The following EPHB2 variants were observed in gnomAD, a reference collection of about 807,000 sequenced individuals.
The protein encoded by EPHB2 is EPH receptor B2.
EPHB2 carries 18 observed loss-of-function variants against 96.4 expected under a neutral mutation model. That is an observed-to-expected ratio of 0.19 (90% CI 0.13 to 0.28). EPHB2 has a LOEUF of 0.28. EPHB2 is among the 10% of genes least tolerant of loss of function. The probability of loss-of-function intolerance (pLI) is 1.00; values close to 1 mark genes in which losing one functional copy is unlikely to be tolerated. For missense variants in EPHB2, 989 were observed against 1,355.4 expected, an observed-to-expected ratio of 0.73 and a Z score of 4.25; for synonymous variants, 506 against 534.1, an observed-to-expected ratio of 0.95 and a Z score of 0.72.
chr1:22,825,047 G>A (rs1190986628), intron 3 of EPHB2, among the ~76,000 whole-genome samples: 1 of 152,228 alleles, frequency 6.6e-6, no homozygotes, highest in African/African-American at 2.4e-5. Flanking sequence ...ACATTCATAG[G>A]TCAGGAGCAT....
chr1:22,819,205 G>GTCCCTCTCTCTC (rs1553167361), intron 3 of EPHB2, among the ~76,000 whole-genome samples: 1 of 103,394 alleles, frequency 9.7e-6, no homozygotes, highest in Non-Finnish European at 1.9e-5. Flanking sequence ...CCCAGCAGAT[G>GTCCCTCTCTCTC]TCTCTCTCTC....
rs748321933 is a variant in EPHB2, at chr1:22,864,949, C to A, written c.1040C>A (p.Pro347His). ...TCCCTCATGCTGGAGTGGACCCCTC[C>A]CCGCGACTCCGGAGGCCGAGAGGAC... ...ETSLMLEWTP[P>H]RDSGGREDLV... Residue 347 changes from proline to histidine, a missense_variant, in exon 5 of 16, where the codon CCC becomes CAC. Physicochemically the swap from Pro to His is moderately conservative, Grantham distance 77. Coordinates refer to ENST00000374630, the MANE Select transcript of EPHB2 (RefSeq NM_017449.5). 6.2e-7 allele frequency: 1 copy of A among 1,603,290 alleles called. No homozygotes were observed. The highest frequency in any genetic ancestry group is 1.3e-5 in the African/African-American group (1 of 74,924).
At chr1:22,720,989 G>A (rs900925267) in intron 1 of EPHB2, among the ~76,000 whole-genome samples, 5 of 152,078 alleles carry the variant, frequency 3.3e-5, no homozygotes, top group African/African-American at 1.2e-4. Flanking sequence ...CCTTATCAGC[G>A]AACTGGGCAT....
intron 1 of EPHB2, among the ~76,000 whole-genome samples, chr1:22,761,532 G>A (rs763969972): frequency 6.6e-6 from 1 of 152,188 alleles, no homozygotes; most frequent in Non-Finnish European, 1.5e-5. Flanking sequence ...CAGCCACCCC[G>A]CTCTTGGGCA....
At chr1:22,789,567 A>C (rs1474251437) in intron 3 of EPHB2, among the ~76,000 whole-genome samples, 1 of 152,190 alleles carries the variant, frequency 6.6e-6, no homozygotes, top group East Asian at 1.9e-4. Context: ...GCATGTTTTG[A>C]GTAACCTCTG....
intron 12 of EPHB2, 24 bp downstream of exon 12, chr1:22,908,192 G>A (rs372324234): frequency 5.3e-5 from 85 of 1,613,350 alleles, no homozygotes; most frequent in Admixed American, 8.3e-5. Flanking sequence ...AGGGAACACC[G>A]GAGTCACAGA....
At chr1:22,770,575 T>C (rs993189423) in intron 1 of EPHB2, among the ~76,000 whole-genome samples, 3 of 152,170 alleles carry the variant, frequency 2.0e-5, no homozygotes, top group African/African-American at 7.2e-5. Flanking sequence ...AGGTGACTTA[T>C]AAGATTAAAC....
At chr1:22,773,350 C>T (rs1023573122) in intron 1 of EPHB2, among the ~76,000 whole-genome samples, 4 of 152,158 alleles carry the variant, frequency 2.6e-5, no homozygotes, top group African/African-American at 9.7e-5. Flanking sequence ...TGGCATCTTA[C>T]CAGGCCACGA....
At position 22,746,494 on chromosome 1, in the gene EPHB2, G is replaced by A; in HGVS notation, c.62-34927G>A. Among the ~76,000 whole-genome samples the A allele has an allele frequency of 1.3e-5, 2 of 152,214 alleles. 1 individual carries two copies. The highest frequency in any genetic ancestry group is 3.9e-4 in the East Asian group (2 of 5,180). On this transcript the variant is annotated intron_variant, in intron 1 of 15. Coordinates refer to ENST00000374630, the MANE Select transcript of EPHB2 (RefSeq NM_017449.5). ...GCAGGGTGAGGCCAGGGAGGCCTGT[G>A]GGCTCCTCCTTGAGCCCCACCCTGT...
intron 1 of EPHB2, among the ~76,000 whole-genome samples, chr1:22,779,361 C>T (rs537885809): frequency 6.6e-6 from 1 of 152,296 alleles, no homozygotes; most frequent in South Asian, 2.1e-4. Flanking sequence ...TGACCACAGG[C>T]AGTCATGGGG....
At position 22,908,013 on chromosome 1, in the gene EPHB2, G is replaced by C; in HGVS notation, c.2197G>C (p.Gly733Arg). ...GGGCATGCTTCGGGGCATCGCAGCTGGCATGAAGTACCTGGCAGACATGAA... is the reference window on the plus strand; with the variant it reads ...GGGCATGCTTCGGGGCATCGCAGCTCGCATGAAGTACCTGGCAGACATGAA... ...LVGMLRGIAA[G>R]MKYLADMNYV... Residue 733 changes from glycine (G) to arginine (R), a missense_variant, in exon 12 of 16, where the codon GGC (glycine) becomes CGC (arginine). Transcript: ENST00000374630. The C allele has an allele frequency of 6.2e-7, 1 of 1,614,238 alleles. No individual in the cohort carries two copies. The highest frequency in any genetic ancestry group is 8.5e-7 in the Non-Finnish European group (1 of 1,180,046).
intron 2 of EPHB2, among the ~76,000 whole-genome samples, chr1:22,782,796 A>G (rs1240523124): frequency 6.6e-6 from 1 of 152,050 alleles, no homozygotes; most frequent in Non-Finnish European, 1.5e-5. Context: ...AAATTAATGC[A>G]ATGTAGGGAG....
At chr1:22,745,636 T>G (rs566590082) in intron 1 of EPHB2, among the ~76,000 whole-genome samples, 1 of 152,316 alleles carries the variant, frequency 6.6e-6, no homozygotes, top group Non-Finnish European at 1.5e-5. Flanking sequence ...GCAAGTGACC[T>G]GTCTGAGCCT....
At chr1:22,815,063 G>A (rs570971468) in intron 3 of EPHB2, among the ~76,000 whole-genome samples, 4 of 152,340 alleles carry the variant, frequency 2.6e-5, no homozygotes, top group African/African-American at 9.6e-5. Context: ...CCTGAGAGGT[G>A]CTTGTGGATG....
At chr1:22,897,879 C>T (rs539245173) in intron 9 of EPHB2, among the ~76,000 whole-genome samples, 4 of 152,208 alleles carry the variant, frequency 2.6e-5, no homozygotes, top group Admixed American at 2.6e-4. Flanking sequence ...GCAGGTGGAT[C>T]ACTTGAACAC....
chr1:22,896,377 T>A, intron 8 of EPHB2, 37 bp from the exon 9 acceptor site: 1 of 1,613,894 alleles, frequency 6.2e-7, no homozygotes, highest in Non-Finnish European at 8.5e-7. Context: ...CCTGGGCGCC[T>A]TCAGGTGGCT....
At chr1:22,744,478 T>A (rs1643942258) in intron 1 of EPHB2, among the ~76,000 whole-genome samples, 1 of 148,616 alleles carries the variant, frequency 6.7e-6, no homozygotes, top group South Asian at 2.1e-4. Context: ...ATATATATAA[T>A]ATACTGTATT....
rs370710705 is a variant in EPHB2 at position 22,912,470 on chromosome 1, C to A, written c.2723C>A (p.Thr908Lys). ...ATCAACCTGCCGCTGCTGGACCGCA[C>A]GATCCCCGACTACACCAGCTTTAAC... is the stretch of plus-strand genomic sequence containing the variant. ...SGINLPLLDR[T>K]IPDYTSFNTV... The change falls in exon 15 of 16, where the codon ACG becomes AAG. Residue 908 changes from threonine (T) to lysine (K), a missense_variant. Coordinates refer to ENST00000374630, the MANE Select transcript of EPHB2 (RefSeq NM_017449.5). The A allele has an allele frequency of 1.2e-6, 2 of 1,614,092 alleles. No homozygotes were observed. Among genetic ancestry groups the A allele is most frequent in the Non-Finnish European group, 1.7e-6 (2 of 1,180,024 alleles).
At chr1:22,735,523 GA>G (rs1030782947) in intron 1 of EPHB2, among the ~76,000 whole-genome samples, 3 of 152,130 alleles carry the variant, frequency 2.0e-5, no homozygotes, top group Admixed American at 6.5e-5. Context: ...TCTGCCTTTG[GA>G]AAAGACTGCT....
Sources: gnomAD v4.1 joint callset for allele counts (sites outside exome capture counted in the v4.1 genomes callset) on GRCh38, gnomAD v4.1.1 for gene constraint, MANE v1.5 for transcripts, NCBI Gene and HGNC (gene_info 2026-07-23, HGNC 2026-07-21) for gene names.